The following TTC3 variants were observed in gnomAD, a reference collection of about 807,000 sequenced individuals.
TTC3 encodes the protein tetratricopeptide repeat domain 3, also known as E3 ubiquitin-protein ligase TTC3.
In TTC3, 180 loss-of-function variants were observed where a neutral mutation model predicts 249.6. That is an observed-to-expected ratio of 0.72 (90% CI 0.64 to 0.82). The LOEUF is 0.82. Ranked by LOEUF, TTC3 falls within the 40% of genes least tolerant of loss-of-function variation. The pLI is 0.00. For missense variants in TTC3, 2,061 were observed against 2,398.4 expected, an observed-to-expected ratio of 0.86 and a Z score of 2.94; for synonymous variants, 717 against 805.0, an observed-to-expected ratio of 0.89 and a Z score of 1.85.
rs1220516889 is a variant in TTC3, at chr21:37,192,281, TTTG to T, written c.5217+77_5217+79del. The T allele has an allele frequency of 1.5e-5, 16 of 1,051,472 alleles. 1 individual carries two copies. In the East Asian group the frequency reaches 3.7e-4, roughly 24 times the overall value. The allele number at this position is 1,051,472 out of a possible 1,614,324, so 65.1% of individuals were successfully genotyped here. ...ATTTGTTAACTGGCCAAAGTAGTTATTTGTTGTTGTTTCCTGGGAGTGAGGATG... is the reference window on the plus strand; with the variant it reads ...ATTTGTTAACTGGCCAAAGTAGTTATTTGTTGTTTCCTGGGAGTGAGGATG... On this transcript the variant is annotated intron_variant, in intron 41 of 45. Transcript: ENST00000355666.
rs572069108 is a variant in TTC3 at position 37,116,159 on chromosome 21, T to TA, written c.901-5657dup. ...TGACACTTACTTAGCAGGCACTCAT[T>TA]AGTAAATAATTGTTGACTTAGTGAT... On this transcript the variant is annotated intron_variant, in intron 11 of 45. Transcript: ENST00000355666. Among the ~76,000 whole-genome samples the TA allele has an allele frequency of 1.5e-3, 224 of 152,336 alleles. 2 individuals carry two copies. Among genetic ancestry groups the TA allele is most frequent in the African/African-American group, 4.9e-3 (205 of 41,572 alleles).
intron 27 of TTC3, among the ~76,000 whole-genome samples, chr21:37,154,027 G>A (rs1463837920): frequency 3.3e-5 from 5 of 152,198 alleles, no homozygotes; most frequent in Non-Finnish European, 5.9e-5. Context: ...TAAAGCAGGC[G>A]CTTTGCCTAA....
chr21:37,121,731 T>C, intron 11 of TTC3, 86 bp from the exon 12 acceptor site: 1 of 1,309,728 alleles, frequency 7.6e-7, no homozygotes, highest in Non-Finnish European at 1.0e-6. Flanking sequence ...AATGAATCAG[T>C]TTTCAAGCAA....
chr21:37,117,291 G>A (rs1869430466), intron 11 of TTC3, among the ~76,000 whole-genome samples: 1 of 152,080 alleles, frequency 6.6e-6, no homozygotes, highest in Non-Finnish European at 1.5e-5. Context: ...TTTTACACAT[G>A]AAGCAATTGA....
At chr21:37,077,589 C>T (rs2071076247) in intron 1 of TTC3, among the ~76,000 whole-genome samples, 1 of 152,216 alleles carries the variant, frequency 6.6e-6, no homozygotes, top group Admixed American at 6.5e-5. Flanking sequence ...TCTACAACCT[C>T]TCCAACACTT....
chr21:37,186,980 C>T, intron 37 of TTC3, 69 bp from the exon 38 acceptor site: 1 of 958,974 alleles, frequency 1.0e-6, no homozygotes, highest in East Asian at 2.8e-5. Context: ...CTCATCCAGC[C>T]TGAAACCTTT....
chr21:37,152,869 T>G, intron 26 of TTC3, 82 bp from the exon 27 acceptor site: 1 of 1,093,114 alleles, frequency 9.1e-7, no homozygotes, highest in Non-Finnish European at 1.3e-6. Flanking sequence ...ATATTTTATA[T>G]TATGTAATTT....
exon 27 of TTC3, chr21:37,153,025 A>G (rs2148016938): frequency 6.2e-7 from 1 of 1,614,056 alleles, no homozygotes; most frequent in South Asian, 1.1e-5. Flanking sequence ...GTATGCTGAC[A>G]AGATTAAATC....
chr21:37,080,654 T>C (rs940101854), intron 1 of TTC3, among the ~76,000 whole-genome samples: 3 of 152,220 alleles, frequency 2.0e-5, no homozygotes, highest in African/African-American at 7.2e-5. Context: ...ATTAGCTACA[T>C]GCAAGCTTAA....
intron 27 of TTC3, 116 bp downstream of exon 27, chr21:37,153,393 A>G: frequency 9.7e-7 from 1 of 1,027,914 alleles, no homozygotes; most frequent in Non-Finnish European, 1.4e-6. Context: ...AGGACTATAA[A>G]TTTGTATGGT....
At chr21:37,126,561 T>C (rs1299334738) in intron 15 of TTC3, among the ~76,000 whole-genome samples, 2 of 152,228 alleles carry the variant, frequency 1.3e-5, no homozygotes, top group East Asian at 1.9e-4. Flanking sequence ...CTGCGCTTTA[T>C]GTATAAAAGG....
intron 22 of TTC3, among the ~76,000 whole-genome samples, chr21:37,148,018 C>T (rs1216483957): frequency 1.3e-5 from 2 of 152,190 alleles, no homozygotes; most frequent in African/African-American, 4.8e-5. Flanking sequence ...AACCACCACG[C>T]CCAGCCTTCC....
intron 1 of TTC3, chr21:37,082,888 T>C: frequency 1.0e-6 from 1 of 977,718 alleles, no homozygotes; most frequent in Non-Finnish European, 1.2e-6. Context: ...GCAAGCTTTC[T>C]TGGTGATACC....
chr21:37,153,223 C>T (rs1235840144), exon 27 of TTC3: 11 of 1,613,898 alleles, frequency 6.8e-6, no homozygotes, highest in Non-Finnish European at 9.3e-6. Flanking sequence ...TTTGAGTGAG[C>T]TTAAAGAAGT....
chr21:37,189,774 C>T (rs1166298472), intron 39 of TTC3, among the ~76,000 whole-genome samples: 1 of 152,008 alleles, frequency 6.6e-6, no homozygotes, highest in Non-Finnish European at 1.5e-5. Flanking sequence ...TCTCAATCTC[C>T]TCATCTTGTG....
chr21:37,140,524 T>C, intron 19 of TTC3, 37 bp from the exon 20 acceptor site: 1 of 1,302,076 alleles, frequency 7.7e-7, no homozygotes, highest in Non-Finnish European at 1.0e-6. Flanking sequence ...TATTTCTCTT[T>C]GTATGTAAGT....
intron 1 of TTC3, chr21:37,083,333 CTT>C: frequency 1.0e-6 from 1 of 985,410 alleles, no homozygotes; most frequent in Non-Finnish European, 1.2e-6. Flanking sequence ...GGAAGTTGGA[CTT>C]TATTCTCAAG....
At chr21:37,087,737 C>A (rs1010746955) in intron 2 of TTC3, 96 bp from the exon 3 acceptor site, 4 of 947,388 alleles carry the variant, frequency 4.2e-6, no homozygotes, top group Non-Finnish European at 6.5e-6. Flanking sequence ...TAAATAAATG[C>A]CCACTGAAAG....
At chr21:37,128,151 AG>A (rs1211193607) in intron 15 of TTC3, among the ~76,000 whole-genome samples, 3 of 152,202 alleles carry the variant, frequency 2.0e-5, no homozygotes, top group African/African-American at 7.2e-5. Flanking sequence ...AGGCCACCAA[AG>A]CCCAGGCTCT....
Sources: allele counts gnomAD v4.1 joint callset (sites outside exome capture counted in the v4.1 genomes callset), GRCh38; gene constraint gnomAD v4.1.1; transcripts MANE v1.5; gene names NCBI Gene and HGNC (gene_info 2026-07-23, HGNC 2026-07-21).